Variants in BABAM2 observed in about 807,000 individuals in gnomAD.
BABAM2 encodes BRISC and BRCA1-A complex member 2.
In BABAM2, 31 loss-of-function variants were observed where a neutral mutation model predicts 54.7. That is an observed-to-expected ratio of 0.57 (90% CI 0.43 to 0.77). The LOEUF is 0.77. BABAM2 is among the 30% of genes least tolerant of loss of function. BABAM2 has a pLI of 0.00. For missense variants in BABAM2, 364 were observed against 455.8 expected (o/e 0.80, Z 1.83); for synonymous variants, 167 against 162.9 (o/e 1.03, Z -0.19).
intron 7 of BABAM2, among the ~76,000 whole-genome samples, chr2:28,134,173 A>T (rs1384829690): frequency 1.4e-5 from 2 of 138,938 alleles, no homozygotes; most frequent in Non-Finnish European, 3.1e-5. Context: ...TCTGTTAATT[A>T]AAAAAAAAAA....
chr2:27,895,819 A>G (rs1321395220), intron 2 of BABAM2, among the ~76,000 whole-genome samples: 1 of 152,158 alleles, frequency 6.6e-6, no homozygotes, highest in Non-Finnish European at 1.5e-5. Flanking sequence ...ATTCTACTGT[A>G]AAGAAACACT....
intron 6 of BABAM2, among the ~76,000 whole-genome samples, chr2:28,113,118 A>G (rs540451527): frequency 2.0e-5 from 3 of 152,052 alleles, no homozygotes; most frequent in Admixed American, 6.5e-5. Context: ...TGTCAGATGG[A>G]TAGATTGCAA....
chr2:28,244,660 C>A, intron 9 of BABAM2, 120 bp from the exon 10 acceptor site: 1 of 867,964 alleles, frequency 1.2e-6, no homozygotes, highest in South Asian at 1.6e-5. Context: ...TTGCCTTAAA[C>A]CCATCTCAAA....
chr2:28,324,822 G>A (rs551521832), intron 11 of BABAM2, among the ~76,000 whole-genome samples: 1 of 152,066 alleles, frequency 6.6e-6, no homozygotes, highest in East Asian at 1.9e-4. Context: ...GAAAAGAAAA[G>A]AAAACTTACT....
intron 7 of BABAM2, among the ~76,000 whole-genome samples, chr2:28,190,695 A>AGG (rs528375519): frequency 1.3e-5 from 2 of 151,080 alleles, no homozygotes; most frequent in Non-Finnish European, 3.0e-5. Flanking sequence ...TCAAAAAACA[A>AGG]GGGGGGGGCG....
At chr2:28,119,721 A>G (rs931617934) in intron 6 of BABAM2, among the ~76,000 whole-genome samples, 1 of 152,204 alleles carries the variant, frequency 6.6e-6, no homozygotes, top group Non-Finnish European at 1.5e-5. Context: ...ATAATAAGCA[A>G]GATAGAATTA....
At chr2:28,212,697 T>G (rs922504972) in intron 7 of BABAM2, among the ~76,000 whole-genome samples, 4 of 152,176 alleles carry the variant, frequency 2.6e-5, no homozygotes, top group African/African-American at 9.7e-5. Context: ...CCCTCATTTT[T>G]GGGCAAATGA....
chr2:28,076,659 C>T (rs926532377), intron 6 of BABAM2, among the ~76,000 whole-genome samples: 1 of 151,786 alleles, frequency 6.6e-6, no homozygotes, highest in East Asian at 1.9e-4. Context: ...CCATGCCTGG[C>T]TATTTTTTTT....
intron 7 of BABAM2, among the ~76,000 whole-genome samples, chr2:28,191,916 A>G (rs1489824184): frequency 6.6e-6 from 1 of 152,242 alleles, no homozygotes; most frequent in Admixed American, 6.5e-5. Flanking sequence ...CTATAAAAAA[A>G]AGAAAAAAGA....
At chr2:27,950,278 G>C (rs978015748) in intron 3 of BABAM2, among the ~76,000 whole-genome samples, 14 of 152,112 alleles carry the variant, frequency 9.2e-5, no homozygotes, top group Non-Finnish European at 1.8e-4. Flanking sequence ...TATCTTGTCA[G>C]AAGAACCCAT....
At chr2:28,008,738 T>C (rs982786485) in intron 4 of BABAM2, among the ~76,000 whole-genome samples, 2 of 152,090 alleles carry the variant, frequency 1.3e-5, no homozygotes, top group African/African-American at 4.8e-5. Context: ...CCAGTGACAT[T>C]AAATTGGGGT....
chr2:28,315,664 A>T (rs1247171024), intron 11 of BABAM2, among the ~76,000 whole-genome samples: 62 of 140,532 alleles, frequency 4.4e-4, no homozygotes, highest in Non-Finnish European at 5.6e-4. Context: ...TTTATTTTTT[A>T]TTTTTTTTTT....
At chr2:27,983,155 A>T (rs933001597) in intron 3 of BABAM2, among the ~76,000 whole-genome samples, 1 of 151,924 alleles carries the variant, frequency 6.6e-6, no homozygotes, top group African/African-American at 2.4e-5. Flanking sequence ...CAATTTCTTC[A>T]TGTTCTCACC....
intron 5 of BABAM2, among the ~76,000 whole-genome samples, chr2:28,035,033 A>G (rs1170098451): frequency 1.3e-5 from 2 of 152,182 alleles, no homozygotes; most frequent in East Asian, 3.9e-4. Flanking sequence ...AGATGTGTGC[A>G]CGTGGGAAAT....
intron 6 of BABAM2, among the ~76,000 whole-genome samples, chr2:28,077,214 A>G (rs1304675533): frequency 6.6e-6 from 1 of 152,234 alleles, no homozygotes; most frequent in East Asian, 1.9e-4. Context: ...GTTTGTAACA[A>G]TAAGCACAAC....
At chr2:27,949,824 A>C (rs188553322) in intron 3 of BABAM2, among the ~76,000 whole-genome samples, 12 of 152,312 alleles carry the variant, frequency 7.9e-5, no homozygotes, top group African/African-American at 2.9e-4. Context: ...TCTTTAAAAC[A>C]TCTGGTAATT....
chr2:27,931,205 A>T (rs1668067942), intron 3 of BABAM2, among the ~76,000 whole-genome samples: 1 of 152,220 alleles, frequency 6.6e-6, no homozygotes, highest in Admixed American at 6.5e-5. Context: ...AGTAGGACAG[A>T]TTCGACTACT....
At chr2:28,083,302 C>G (rs955827766) in intron 6 of BABAM2, among the ~76,000 whole-genome samples, 1 of 152,166 alleles carries the variant, frequency 6.6e-6, no homozygotes, top group Admixed American at 6.5e-5. Flanking sequence ...TCTCAAAGAC[C>G]TACTACTTCA....
chr2:27,897,370 A>T (rs910332028), intron 2 of BABAM2, among the ~76,000 whole-genome samples: 4 of 152,290 alleles, frequency 2.6e-5, no homozygotes, highest in Non-Finnish European at 4.4e-5. Context: ...GAATAGTAGG[A>T]TGCTTTTGAA....
Sources: allele counts gnomAD v4.1 joint callset (sites outside exome capture counted in the v4.1 genomes callset), GRCh38; gene constraint gnomAD v4.1.1; transcripts MANE v1.5; gene names NCBI Gene and HGNC (gene_info 2026-07-23, HGNC 2026-07-21).